Variants in KALRN observed in about 807,000 individuals in gnomAD.
KALRN encodes the protein kalirin RhoGEF kinase.
KALRN carries 70 observed loss-of-function variants against 353.7 expected under a neutral mutation model. The observed-to-expected ratio is 0.20, with a 90% confidence interval of 0.16 to 0.24. KALRN has a LOEUF of 0.24. Among genes scored for constraint, KALRN ranks in the 10% least tolerant of loss-of-function variants. The pLI is 1.00. For synonymous variants in KALRN, 1,391 were observed against 1,434.8 expected (o/e 0.97, Z 0.69); for missense variants, 2,791 against 3,756.7 (o/e 0.74, Z 6.72).
At chr3:124,402,624 A>G (rs2091016800) in intron 13 of KALRN, among the ~76,000 whole-genome samples, 1 of 152,222 alleles carries the variant, frequency 6.6e-6, no homozygotes, top group Non-Finnish European at 1.5e-5. Flanking sequence ...TGGTCTCCAA[A>G]CATTTTTGAT....
At chr3:124,375,439 C>T (rs6803208) in intron 10 of KALRN, among the ~76,000 whole-genome samples, 2,663 of 152,264 alleles carry the variant, frequency 0.017, 67 homozygotes, top group African/African-American at 0.06. Flanking sequence ...AGTCCTGGCT[C>T]CCCTAGGCCC....
chr3:124,232,268 A>G (rs946650461), intron 2 of KALRN, among the ~76,000 whole-genome samples: 1 of 152,180 alleles, frequency 6.6e-6, no homozygotes, highest in Non-Finnish European at 1.5e-5. Context: ...CCTGTCAGCA[A>G]CCCTGAAGCT....
chr3:124,605,418 C>T (rs1419224171), intron 34 of KALRN, among the ~76,000 whole-genome samples: 1 of 151,762 alleles, frequency 6.6e-6, no homozygotes, highest in African/African-American at 2.4e-5. Flanking sequence ...ACTAAAAGTA[C>T]AAAAATTAGC....
intron 1 of KALRN, among the ~76,000 whole-genome samples, chr3:124,059,100 T>C (rs1367619233): frequency 6.6e-6 from 1 of 152,148 alleles, no homozygotes; most frequent in Non-Finnish European, 1.5e-5. Context: ...CCTTTAACTT[T>C]CTCAGTTCAC....
intron 25 of KALRN, among the ~76,000 whole-genome samples, chr3:124,466,251 C>T (rs1375297663): frequency 6.6e-6 from 1 of 152,174 alleles, no homozygotes; most frequent in Non-Finnish European, 1.5e-5. Context: ...TTGCCCTCCA[C>T]TCTCCCCATT....
At position 124,720,897 on chromosome 3, in the gene KALRN, T is replaced by C. The variant is rs1174372748; in HGVS notation, c.*1427T>C. ...TTTGTACATGATCCACCCTTAGTTT[T>C]CTAGAATGTGTGTTGAAAATTGCGA... On this transcript the variant is annotated 3_prime_UTR_variant, in exon 60 of 60. Transcript: ENST00000682506. 6.6e-6 allele frequency: 1 copy of C among 152,220 alleles called. No individual in the cohort carries two copies. The highest frequency in any genetic ancestry group is 1.9e-4 in the East Asian group (1 of 5,206). 9.4% of individuals were successfully genotyped at this position (152,220 alleles called of 1,614,324 possible).
intron 1 of KALRN, among the ~76,000 whole-genome samples, chr3:124,072,924 A>G (rs754888619): frequency 9.2e-5 from 14 of 152,226 alleles, no homozygotes; most frequent in African/African-American, 1.2e-4. Context: ...GTTCTCCAAC[A>G]GGACCAGCAC....
At chr3:124,456,538 A>G (rs1210333623) in intron 22 of KALRN, 72 bp from the exon 23 acceptor site, 2 of 1,032,276 alleles carry the variant, frequency 1.9e-6, no homozygotes, top group Admixed American at 3.8e-5. Flanking sequence ...CCCTTTTACC[A>G]CCTCCCTCAA....
In KALRN at chr3:124,495,965, G is replaced by GTGTATATATA. The variant is rs1239001137; in HGVS notation, c.4833-345_4833-344insGTATATATAT. 3.2e-3 allele frequency among the ~76,000 whole-genome samples: 134 copies of GTGTATATATA among 41,450 alleles called. 5 individuals are homozygous for GTGTATATATA. Among genetic ancestry groups the GTGTATATATA allele is most frequent in the East Asian group, 4.7e-3 (4 of 856 alleles). 27.2% of individuals were successfully genotyped at this position (41,450 alleles called of 152,430 possible). ...CCCAAGTGTGTGTATGTGTATGTAT[G>GTGTATATATA]TATATATATATATATATATATATAT... On this transcript the variant is annotated intron_variant, in intron 32 of 59. Transcript: ENST00000682506.
intron 1 of KALRN, among the ~76,000 whole-genome samples, chr3:124,187,267 G>A (rs553114118): frequency 1.3e-5 from 2 of 152,154 alleles, no homozygotes; most frequent in African/African-American, 2.4e-5. Context: ...TTTTAGTAGA[G>A]GCGGGGGTTT....
At chr3:124,673,297 A>G (rs1421494125) in intron 48 of KALRN, among the ~76,000 whole-genome samples, 3 of 152,078 alleles carry the variant, frequency 2.0e-5, no homozygotes, top group Non-Finnish European at 4.4e-5. Context: ...GAGGCAGGAG[A>G]ATCACTTGAG....
intron 5 of KALRN, among the ~76,000 whole-genome samples, chr3:124,279,410 G>T (rs930143084): frequency 4.6e-5 from 7 of 152,204 alleles, no homozygotes; most frequent in African/African-American, 1.7e-4. Context: ...ACTTGTGCTG[G>T]CCCATGTAAA....
chr3:124,572,316 C>T (rs1445193681), intron 34 of KALRN, among the ~76,000 whole-genome samples: 1 of 144,806 alleles, frequency 6.9e-6, no homozygotes, highest in African/African-American at 2.6e-5. Context: ...CAAAGCAAGA[C>T]CCCATCTCAA....
At chr3:124,519,943 A>G in intron 33 of KALRN, 4 of 934,080 alleles carry the variant, frequency 4.3e-6, no homozygotes, top group Non-Finnish European at 5.1e-6. Flanking sequence ...CACTTTCCAG[A>G]AAGATCTGTC....
At chr3:124,450,228 T>C (rs998319048) in intron 21 of KALRN, among the ~76,000 whole-genome samples, 1 of 152,222 alleles carries the variant, frequency 6.6e-6, no homozygotes, top group African/African-American at 2.4e-5. Context: ...TCTTTTTATA[T>C]AGCCATCCTA....
chr3:124,421,618 C>A (rs1174058214), intron 14 of KALRN, among the ~76,000 whole-genome samples: 1 of 152,130 alleles, frequency 6.6e-6, no homozygotes. Flanking sequence ...CAGGACTGTT[C>A]CAAAGCTAGT....
At chr3:124,079,715 C>T (rs1425643162) in intron 1 of KALRN, among the ~76,000 whole-genome samples, 1 of 152,134 alleles carries the variant, frequency 6.6e-6, no homozygotes, top group Non-Finnish European at 1.5e-5. Context: ...AGTTGAATGC[C>T]TCCAATGACA....
chr3:124,509,720 G>A (rs558320418), intron 33 of KALRN, among the ~76,000 whole-genome samples: 4 of 152,304 alleles, frequency 2.6e-5, no homozygotes, highest in Non-Finnish European at 5.9e-5. Context: ...AATGAAATAT[G>A]CTAGAAAAAA....
chr3:124,666,588 G>A lies in KALRN; in HGVS notation c.6485G>A (p.Arg2162Lys). 1 of 1,614,112 alleles carries A rather than the reference G, an allele frequency of 6.2e-7. No individual in the cohort carries two copies. The highest frequency in any genetic ancestry group is 1.1e-5 in the South Asian group (1 of 91,080). ...ATTGTCATCTTCAGTGAACTGCTCA[G>A]GAAGGGATCCCTCACCCCTGGCTAC... Reference protein sequence around the residue: ...EQIVIFSELLRKGSLTPGYMF... With the variant: ...EQIVIFSELLKKGSLTPGYMF... Residue 2162 changes from arginine (R) to lysine (K), a missense_variant, in exon 46 of 60, where the codon AGG becomes AAG. Coordinates refer to ENST00000682506, the MANE Select transcript of KALRN (RefSeq NM_001388419.1).
Sources: allele counts gnomAD v4.1 joint callset (sites outside exome capture counted in the v4.1 genomes callset), GRCh38; gene constraint gnomAD v4.1.1; transcripts MANE v1.5; gene names NCBI Gene and HGNC (gene_info 2026-07-23, HGNC 2026-07-21).